The following ASTN2 variants were observed in gnomAD, a reference collection of about 807,000 sequenced individuals.
ASTN2 encodes the protein astrotactin-2.
A neutral mutation model predicts 139.8 loss-of-function variants in ASTN2; 54 were observed. The observed-to-expected ratio is 0.39, with a 90% CI of 0.31 to 0.48. The LOEUF (loss-of-function observed/expected upper bound fraction) is 0.48. Among genes scored for constraint, ASTN2 ranks in the 20% least tolerant of loss-of-function variants. The pLI is 0.95. For missense variants in ASTN2, 1,565 were observed against 1,725.1 expected (o/e 0.91, Z 1.64); for synonymous variants, 756 against 719.5 (o/e 1.05, Z -0.81).
chr9:117,078,056 G>A (rs569079863), intron 5 of ASTN2, among the ~76,000 whole-genome samples: 1 of 152,260 alleles, frequency 6.6e-6, no homozygotes, highest in South Asian at 2.1e-4. Context: ...CTTCTGTAAA[G>A]AGTCAATGCG....
At chr9:117,045,979 T>TACGTACGTACGTACGTACGTAC (rs1564399779) in intron 5 of ASTN2, among the ~76,000 whole-genome samples, 15 of 124,614 alleles carry the variant, frequency 1.2e-4, no homozygotes, top group South Asian at 5.5e-4. Context: ...TATGTATGTA[T>TACGTACGTACGTACGTACGTAC]GTACGTACGT....
chr9:117,190,227 A>G (rs1831309826), intron 3 of ASTN2, among the ~76,000 whole-genome samples: 1 of 152,242 alleles, frequency 6.6e-6, no homozygotes, highest in Admixed American at 6.5e-5. Flanking sequence ...CAAGTGAGGC[A>G]GAAATGTGAA....
intron 13 of ASTN2, among the ~76,000 whole-genome samples, chr9:116,803,506 ATATATATATATATATATTT>A (rs1206940451): frequency 1.5e-3 from 12 of 7,904 alleles, no homozygotes; most frequent in African/African-American, 5.2e-3. Flanking sequence ...ATATATATAT[ATATATATATATATATATTT>A]TTTTTTTTTT....
At chr9:116,597,460 T>C (rs1288825730) in intron 19 of ASTN2, among the ~76,000 whole-genome samples, 3 of 151,802 alleles carry the variant, frequency 2.0e-5, no homozygotes, top group African/African-American at 7.3e-5. Flanking sequence ...GCCCGGCTAA[T>C]TTTTTGTATT....
chr9:117,208,429 C>G (rs1832009831), intron 3 of ASTN2, among the ~76,000 whole-genome samples: 1 of 150,702 alleles, frequency 6.6e-6, no homozygotes, highest in African/African-American at 2.4e-5. Context: ...AACTTGAAGA[C>G]AGATATTTTG....
chr9:116,524,707 T>C (rs988761401), intron 19 of ASTN2, among the ~76,000 whole-genome samples: 2 of 152,232 alleles, frequency 1.3e-5, no homozygotes, highest in Non-Finnish European at 2.9e-5. Flanking sequence ...AACTTATTAG[T>C]ACCTTTCTGA....
At chr9:116,647,628 G>A (rs570999877) in intron 17 of ASTN2, among the ~76,000 whole-genome samples, 6 of 152,252 alleles carry the variant, frequency 3.9e-5, no homozygotes, top group African/African-American at 1.4e-4. Context: ...CAAAAGTCCC[G>A]TGGCTTGGCT....
Position 117,039,881 on chromosome 9 carries a change from T to G in ASTN2, c.1361A>C (p.Gln454Pro). The change falls in exon 6 of 23, where the codon CAG (glutamine) becomes CCG (proline). Residue 454 changes from glutamine (Q) to proline (P), a missense_variant. By Grantham distance (76) the Gln-to-Pro change is moderately conservative. Around this residue, in one of 4 missense-constraint regions of ASTN2, gnomAD observed 503 missense variants for 591.7 expected, o/e 0.85. Coordinates refer to ENST00000313400, the MANE Select transcript of ASTN2 (RefSeq NM_001365068.1). The stretch of plus-strand genomic sequence containing the variant: ...CTTCACAGTGAGTGGACAAGACATC[T>G]GGCTGCCACACACCATGGCCAGGAT... ...SCILAMVCGS[Q>P]MSCPLTVKVT... 6.2e-7 allele frequency: 1 copy of G among 1,613,886 alleles called. No individual in the cohort carries two copies. The highest frequency in any genetic ancestry group is 8.5e-7 in the Non-Finnish European group (1 of 1,179,894).
rs1036699520 is a variant in ASTN2, at chr9:117,043,853, A to G, written c.1277-3888T>C. ...AACCCAGGAGGTGGAGGTTGCAATGAGCTGAGATCGCACCATTGCACTCCA... is the reference window on the plus strand; with the variant it reads ...AACCCAGGAGGTGGAGGTTGCAATGGGCTGAGATCGCACCATTGCACTCCA... On this transcript the variant is annotated intron_variant, in intron 5 of 22. Transcript: ENST00000313400. 2.0e-5 allele frequency among the ~76,000 whole-genome samples: 3 copies of G among 149,546 alleles called. No homozygotes were observed. The South Asian group carries it at 6.4e-4, about 32-fold the overall frequency.
chr9:117,223,009 C>T (rs1436838736), intron 2 of ASTN2, among the ~76,000 whole-genome samples: 1 of 152,156 alleles, frequency 6.6e-6, no homozygotes, highest in African/African-American at 2.4e-5. Flanking sequence ...CAGAAGGGAG[C>T]AGCTGGAGAA....
intron 6 of ASTN2, among the ~76,000 whole-genome samples, chr9:117,020,507 G>A (rs768374640): frequency 3.3e-5 from 5 of 151,878 alleles, no homozygotes; most frequent in Admixed American, 6.6e-5. Flanking sequence ...CTTACTACCC[G>A]TATCTTCCCA....
At chr9:117,036,885 G>C (rs1370474531) in intron 6 of ASTN2, among the ~76,000 whole-genome samples, 1 of 152,092 alleles carries the variant, frequency 6.6e-6, no homozygotes, top group Non-Finnish European at 1.5e-5. Context: ...CAGTCCTTTC[G>C]GCATCTGCAG....
intron 13 of ASTN2, among the ~76,000 whole-genome samples, chr9:116,783,288 TCCTTCCTTCCTC>T (rs66642725): frequency 0.052 from 1,781 of 34,484 alleles, 22 homozygotes; most frequent in Non-Finnish European, 0.061. Flanking sequence ...CTTCCTTCCT[TCCTTCCTTCCTC>T]CCTCCCTCCC....
chr9:116,665,330 G>C (rs1179972661), intron 16 of ASTN2, among the ~76,000 whole-genome samples: 1 of 152,292 alleles, frequency 6.6e-6, no homozygotes, highest in African/African-American at 2.4e-5. Context: ...ACGTTACTGT[G>C]ATTGGGAACT....
chr9:117,282,935 T>C (rs1228965611), intron 2 of ASTN2, among the ~76,000 whole-genome samples: 1 of 134,208 alleles, frequency 7.5e-6, no homozygotes, highest in African/African-American at 4.0e-5. Flanking sequence ...CTATGAGGTC[T>C]CAGGTGTTTT....
chr9:116,888,141 G>A (rs1031936695), intron 10 of ASTN2, among the ~76,000 whole-genome samples: 1 of 152,136 alleles, frequency 6.6e-6, no homozygotes, highest in African/African-American at 2.4e-5. Flanking sequence ...GGTGGCTCAT[G>A]GCTACAATCT....
chr9:116,866,621 A>G (rs1460311351), intron 10 of ASTN2, among the ~76,000 whole-genome samples: 1 of 152,060 alleles, frequency 6.6e-6, no homozygotes, highest in Non-Finnish European at 1.5e-5. Flanking sequence ...AGGCAGAGGG[A>G]CCAGGCTGGG....
At chr9:117,272,106 G>A (rs1449551917) in intron 2 of ASTN2, among the ~76,000 whole-genome samples, 1 of 152,202 alleles carries the variant, frequency 6.6e-6, no homozygotes, top group Non-Finnish European at 1.5e-5. Flanking sequence ...CTTTTGCCTG[G>A]GCTTCAAGGC....
chr9:116,895,906 T>C (rs1833868279), intron 10 of ASTN2, among the ~76,000 whole-genome samples: 2 of 152,186 alleles, frequency 1.3e-5, no homozygotes, highest in African/African-American at 2.4e-5. Context: ...AATTAGGTTA[T>C]TACAATAAAA....
Sources: allele counts gnomAD v4.1 joint callset (sites outside exome capture counted in the v4.1 genomes callset), GRCh38; gene constraint gnomAD v4.1.1; regional missense constraint gnomAD v4.1.1; transcripts MANE v1.5; gene names NCBI Gene and HGNC (gene_info 2026-07-23, HGNC 2026-07-21).